ATXN10: variants seen among roughly 807,000 people sequenced by gnomAD.
The protein encoded by ATXN10 is ataxin-10.
A neutral mutation model predicts 52.9 loss-of-function variants in ATXN10; 28 were observed. The ratio of observed to expected loss-of-function variants is 0.53; its 90% confidence interval spans 0.39 to 0.73. The LOEUF (loss-of-function observed/expected upper bound fraction) is 0.73, where lower values mean the gene tolerates loss of function less well. Ranked by LOEUF, ATXN10 falls within the 30% of genes least tolerant of loss-of-function variation. ATXN10 has a pLI of 0.00. For synonymous variants in ATXN10, 226 were observed against 221.5 expected, an observed-to-expected ratio of 1.02 and a Z score of -0.18; for missense variants, 565 against 577.0, an observed-to-expected ratio of 0.98 and a Z score of 0.21.
intron 10 of ATXN10, among the ~76,000 whole-genome samples, chr22:45,834,106 T>G (rs111574561): frequency 3.9e-4 from 59 of 152,348 alleles, no homozygotes; most frequent in Admixed American, 7.2e-4. Context: ...GCTGTTACCT[T>G]TATTAGTTTT....
chr22:45,806,889 C>A, intron 9 of ATXN10, 70 bp from the exon 10 acceptor site: 1 of 1,190,600 alleles, frequency 8.4e-7, no homozygotes, highest in Non-Finnish European at 1.3e-6. Flanking sequence ...ACAAAAGGAA[C>A]AAGTCATCTG....
intron 1 of ATXN10, among the ~76,000 whole-genome samples, chr22:45,680,724 A>G (rs915784530): frequency 1.3e-5 from 2 of 151,326 alleles, no homozygotes; most frequent in South Asian, 2.1e-4. Flanking sequence ...TCAGCCTCCC[A>G]TAGTATTGCG....
intron 10 of ATXN10, among the ~76,000 whole-genome samples, chr22:45,836,615 C>T (rs553412614): frequency 6.6e-6 from 1 of 152,190 alleles, no homozygotes; most frequent in Non-Finnish European, 1.5e-5. Context: ...GGACTCCCCC[C>T]TGGGGATGCA....
At chr22:45,720,942 G>A (rs1324156823) in intron 6 of ATXN10, among the ~76,000 whole-genome samples, 2 of 152,214 alleles carry the variant, frequency 1.3e-5, no homozygotes, top group Non-Finnish European at 2.9e-5. Context: ...GAGGGCAAGT[G>A]AGTGCATGTG....
rs1925154826 is a variant in ATXN10 at position 45,733,198 on chromosome 22, A to G, written c.894+3608A>G. Among the ~76,000 whole-genome samples the G allele has an allele frequency of 6.6e-6, 1 of 152,202 alleles. No homozygotes were observed. The highest frequency in any genetic ancestry group is 1.5e-5 in the Non-Finnish European group (1 of 68,030). ...TTTCTGATATCCATATATTACAATAATTGTTGCCAGGTTGTGGGATTTGCA... is the reference window on the plus strand; with the variant it reads ...TTTCTGATATCCATATATTACAATAGTTGTTGCCAGGTTGTGGGATTTGCA... On this transcript the variant is annotated intron_variant, in intron 7 of 11. Coordinates refer to ENST00000252934, the MANE Select transcript of ATXN10 (RefSeq NM_013236.4). The surrounding 1 kb of genome is among the most constrained non-coding windows in gnomAD (Gnocchi z 4.4).
Position 45,803,749 on chromosome 22 carries a change from C to T in ATXN10, c.1174-3210C>T, listed in dbSNP as rs138338924. 1.4e-3 allele frequency among the ~76,000 whole-genome samples: 208 copies of T among 152,240 alleles called. 1 individual carries two copies. The highest frequency in any genetic ancestry group is 6.8e-3 in the Middle Eastern group (2 of 292). ...CTTTACTTTACGTACAGGATGCGTACGTACCCCATCCTGCTGGTAGACGTG... is the reference window on the plus strand; with the variant it reads ...CTTTACTTTACGTACAGGATGCGTATGTACCCCATCCTGCTGGTAGACGTG... On this transcript the variant is annotated intron_variant, in intron 9 of 11. Transcript: ENST00000252934.
chr22:45,736,670 A>C (rs993333867), intron 7 of ATXN10, among the ~76,000 whole-genome samples: 4 of 152,124 alleles, frequency 2.6e-5, no homozygotes, highest in Non-Finnish European at 5.9e-5. Flanking sequence ...GGCACTTAAC[A>C]TATTCTTCTT....
At chr22:45,839,497 C>T (rs1364858384) in intron 10 of ATXN10, among the ~76,000 whole-genome samples, 1 of 152,228 alleles carries the variant, frequency 6.6e-6, no homozygotes, top group Non-Finnish European at 1.5e-5. Context: ...GGCAGCCCTT[C>T]ATCTCCGAGA....
At position 45,789,556 on chromosome 22, in the gene ATXN10, G is replaced by A. The variant is rs151244819; in HGVS notation, c.1174-17403G>A. ...CTCAAAGAGGGATTCAATTGTCACC[G>A]CCCTGGGAAGGCGCCAGTGAAGGGC... On this transcript the variant is annotated intron_variant, in intron 9 of 11. Coordinates refer to ENST00000252934, the MANE Select transcript of ATXN10 (RefSeq NM_013236.4). The surrounding 1 kb of genome is among the most constrained non-coding windows in gnomAD (Gnocchi z 4.0). Among the ~76,000 whole-genome samples, 1 of 152,152 alleles carries A rather than the reference G, an allele frequency of 6.6e-6. No individual in the cohort carries two copies. Among genetic ancestry groups the A allele is most frequent in the East Asian group, 1.9e-4 (1 of 5,190 alleles).
At chr22:45,693,648 A>G (rs560432515) in intron 3 of ATXN10, among the ~76,000 whole-genome samples, 15 of 152,326 alleles carry the variant, frequency 9.8e-5, no homozygotes, top group Admixed American at 4.6e-4. Context: ...ACAGATATTC[A>G]GATCATAGCA....
At chr22:45,736,003 A>T (rs1569042470) in intron 7 of ATXN10, among the ~76,000 whole-genome samples, 1 of 152,208 alleles carries the variant, frequency 6.6e-6, no homozygotes, top group East Asian at 1.9e-4. Context: ...AAATGATTTT[A>T]ATGAGTAAAA....
intron 9 of ATXN10, among the ~76,000 whole-genome samples, chr22:45,746,310 A>T (rs983790002): frequency 4.0e-5 from 6 of 148,488 alleles, no homozygotes; most frequent in South Asian, 4.3e-4. Flanking sequence ...CAAATTATTA[A>T]CTCCTTTATT....
chr22:45,829,625 A>T (rs572092946), intron 10 of ATXN10, among the ~76,000 whole-genome samples: 45 of 152,336 alleles, frequency 3.0e-4, no homozygotes, highest in African/African-American at 9.1e-4. Context: ...AATTCCTTTT[A>T]TAATAGCATC....
In ATXN10 at chr22:45,770,906, A is replaced by T. The variant is rs1926754043; in HGVS notation, c.1173+30368A>T. ...TCAGGAAGTGCTCACTTGGAGAGAGAGGACAGAGCCACAGAGCCTTCTCAG... is the reference window on the plus strand; with the variant it reads ...TCAGGAAGTGCTCACTTGGAGAGAGTGGACAGAGCCACAGAGCCTTCTCAG... On this transcript the variant is annotated intron_variant, in intron 9 of 11. Transcript: ENST00000252934. The surrounding 1 kb of genome is among the most constrained non-coding windows in gnomAD (Gnocchi z 4.5). Among the ~76,000 whole-genome samples, 1 of 152,200 alleles carries T rather than the reference A, an allele frequency of 6.6e-6. No individual in the cohort carries two copies. Among genetic ancestry groups the T allele is most frequent in the East Asian group, 1.9e-4 (1 of 5,200 alleles).
At chr22:45,695,071 C>A (rs1461541026) in intron 3 of ATXN10, among the ~76,000 whole-genome samples, 1 of 151,840 alleles carries the variant, frequency 6.6e-6, no homozygotes, top group African/African-American at 2.4e-5. Context: ...TGGCTCACGC[C>A]TGTAATCCCA....
At position 45,783,908 on chromosome 22, in the gene ATXN10, A is replaced by T. The variant is rs1311178656; in HGVS notation, c.1174-23051A>T. ...GGTCAGACTTCTTTCCTGTAGGTCA[A>T]GGCTGGTGAGAGTTTGGCACTTGAG... is the stretch of plus-strand genomic sequence containing the variant. On this transcript the variant is annotated intron_variant, in intron 9 of 11. Transcript: ENST00000252934. This position sits in a 1 kb window ranked among gnomAD's most constrained non-coding sequence, Gnocchi z 5.0. 6.6e-6 allele frequency among the ~76,000 whole-genome samples: 1 copy of T among 152,136 alleles called. No individual in the cohort carries two copies. Among genetic ancestry groups the T allele is most frequent in the Non-Finnish European group, 1.5e-5 (1 of 68,020 alleles).
chr22:45,729,398 C>T (rs1569039569), intron 6 of ATXN10, 27 bp from the exon 7 acceptor site: 1 of 1,610,762 alleles, frequency 6.2e-7, no homozygotes, highest in Non-Finnish European at 8.5e-7. Flanking sequence ...ATTATAGATT[C>T]ATGCAGAAAT....
Position 45,833,887 on chromosome 22 carries a change from G to A in ATXN10, c.1238-9104G>A, listed in dbSNP as rs965080925. On this transcript the variant is annotated intron_variant, in intron 10 of 11. Coordinates refer to ENST00000252934, the MANE Select transcript of ATXN10 (RefSeq NM_013236.4). This position sits in a 1 kb window ranked among gnomAD's most constrained non-coding sequence, Gnocchi z 4.3. ...CGGCATCGCGATCAGGGGAGCGGAT[G>A]CCAGAGCCTGACTGCCTACTTCCAA... 1.3e-5 allele frequency among the ~76,000 whole-genome samples: 2 copies of A among 152,172 alleles called. No individual in the cohort carries two copies. Among genetic ancestry groups the A allele is most frequent in the South Asian group, 2.1e-4 (1 of 4,830 alleles).
chr22:45,736,328 A>T (rs1201347252), intron 7 of ATXN10, among the ~76,000 whole-genome samples: 1 of 152,218 alleles, frequency 6.6e-6, no homozygotes, highest in Non-Finnish European at 1.5e-5. Context: ...ACTCTAAAAG[A>T]TAAGGAGTTT....
Sources: allele counts gnomAD v4.1 joint callset (sites outside exome capture counted in the v4.1 genomes callset), GRCh38; gene constraint gnomAD v4.1.1; non-coding constraint Gnocchi (gnomAD v3.1); transcripts MANE v1.5; gene names NCBI Gene and HGNC (gene_info 2026-07-23, HGNC 2026-07-21).